Variants in COLGALT2 observed in about 807,000 individuals in gnomAD.
COLGALT2 encodes collagen beta(1-O)galactosyltransferase 2.
In COLGALT2, 49 loss-of-function variants were observed where a neutral mutation model predicts 73.4. That is an observed-to-expected ratio of 0.67 (90% confidence interval 0.53 to 0.85). The LOEUF is 0.85. COLGALT2 is among the 40% of genes least tolerant of loss of function. The pLI, the probability that COLGALT2 is intolerant of heterozygous loss-of-function variation, is 0.00. For missense variants in COLGALT2, 722 were observed against 790.2 expected, an observed-to-expected ratio of 0.91 and a Z score of 1.03; for synonymous variants, 295 against 307.6, an observed-to-expected ratio of 0.96 and a Z score of 0.43.
intron 1 of COLGALT2, among the ~76,000 whole-genome samples, chr1:184,033,989 T>C (rs181140003): frequency 6.6e-6 from 1 of 152,326 alleles, no homozygotes. Flanking sequence ...TGGATACTAA[T>C]CAGTTTGGCA....
intron 11 of COLGALT2, 76 bp from the exon 12 acceptor site, chr1:183,939,113 G>T (rs753901214): frequency 3.7e-5 from 40 of 1,073,868 alleles, no homozygotes; most frequent in Non-Finnish European, 5.2e-5. Context: ...GAGTGAAGGA[G>T]GCCTCCTGGT....
In COLGALT2 at chr1:183,984,266, G is replaced by A. The variant is rs981504912; in HGVS notation, c.264-5746C>T. The stretch of plus-strand genomic sequence containing the variant: ...CTAAAAATACAAAAATTAACCAGGC[G>A]TGGTGGTGTGTGCCTGTAGTCCCAG... On this transcript the variant is annotated intron_variant, in intron 1 of 11. Coordinates refer to ENST00000361927, the MANE Select transcript of COLGALT2 (RefSeq NM_015101.4). 4.6e-5 allele frequency among the ~76,000 whole-genome samples: 7 copies of A among 152,188 alleles called. No individual in the cohort carries two copies. In the South Asian group the frequency reaches 8.3e-4, roughly 18 times the overall value.
intron 8 of COLGALT2, among the ~76,000 whole-genome samples, chr1:183,947,356 A>C (rs1180929896): frequency 6.6e-6 from 1 of 152,216 alleles, no homozygotes; most frequent in African/African-American, 2.4e-5. Context: ...TAAAGACCAT[A>C]TAGGTCATAA....
Position 183,944,337 on chromosome 1 carries a change from C to A in COLGALT2, c.1270-14G>T, listed in dbSNP as rs1166845173. 1 of 1,608,064 alleles carries A rather than the reference C, an allele frequency of 6.2e-7. No individual in the cohort carries two copies. The highest frequency in any genetic ancestry group is 1.7e-5 in the Admixed American group (1 of 58,504). ...TCGATCAATTACCTGCAAAAGTCATCAGTAGGAAGATACCCTATGAAAAGT... is the reference window on the plus strand; with the variant it reads ...TCGATCAATTACCTGCAAAAGTCATAAGTAGGAAGATACCCTATGAAAAGT... On this transcript the variant is annotated splice_polypyrimidine_tract_variant and intron_variant, in intron 9 of 11. Transcript: ENST00000361927.
chr1:183,940,850 G>A lies in COLGALT2; in HGVS notation c.1398-63C>T, dbSNP rs575838897. 7.7e-5 allele frequency: 107 copies of A among 1,397,300 alleles called. 1 individual carries two copies. In the South Asian group the frequency reaches 1.0e-3, roughly 13 times the overall value. The allele number at this position is 1,397,300 out of a possible 1,614,324, so 86.6% of individuals were successfully genotyped here. A position where few individuals can be genotyped will look rare whatever the true frequency, so the allele number is the denominator to read the frequency against. ...ACTATTATGCCATGATAAGGATGAAGCACAGCTTTGGTTTACATAGATACC... is the reference window on the plus strand; with the variant it reads ...ACTATTATGCCATGATAAGGATGAAACACAGCTTTGGTTTACATAGATACC... On this transcript the variant is annotated intron_variant, in intron 10 of 11. Coordinates refer to ENST00000361927, the MANE Select transcript of COLGALT2 (RefSeq NM_015101.4).
chr1:183,989,177 T>C (rs1671566745), intron 1 of COLGALT2, among the ~76,000 whole-genome samples: 1 of 152,154 alleles, frequency 6.6e-6, no homozygotes, highest in Non-Finnish European at 1.5e-5. Context: ...AGTATCTTGG[T>C]TGTACATGAG....
chr1:183,945,874 T>G, intron 8 of COLGALT2: 1 of 305,980 alleles, frequency 3.3e-6, no homozygotes, highest in Admixed American at 4.6e-5. Flanking sequence ...ACTGCAATAA[T>G]CCAAGGAGTG....
intron 6 of COLGALT2, among the ~76,000 whole-genome samples, chr1:183,956,437 A>G (rs972467410): frequency 6.6e-6 from 1 of 152,056 alleles, no homozygotes; most frequent in African/African-American, 2.4e-5. Flanking sequence ...TCCACTCCTT[A>G]TTAGTTTCTT....
At chr1:183,969,089 G>A (rs780786733) in intron 5 of COLGALT2, among the ~76,000 whole-genome samples, 180 bp downstream of exon 5, 1 of 152,034 alleles carries the variant, frequency 6.6e-6, no homozygotes, top group Non-Finnish European at 1.5e-5. Context: ...CTGGCTCTTG[G>A]TCATTGGTGC....
At chr1:183,945,372 G>A (rs756559340) in intron 9 of COLGALT2, 60 bp downstream of exon 9, 70 of 1,584,104 alleles carry the variant, frequency 4.4e-5, no homozygotes, top group African/African-American at 9.4e-5. Flanking sequence ...ACTCACCTAC[G>A]ATAGCCTGCT....
intron 2 of COLGALT2, among the ~76,000 whole-genome samples, chr1:183,976,249 C>CTTTT (rs1671185842): frequency 2.0e-5 from 3 of 151,964 alleles, no homozygotes; most frequent in Non-Finnish European, 4.4e-5. Context: ...ATAAGGCACT[C>CTTTT]TAAAGGAGTG....
At chr1:184,006,161 A>T (rs1672074458) in intron 1 of COLGALT2, among the ~76,000 whole-genome samples, 1 of 152,202 alleles carries the variant, frequency 6.6e-6, no homozygotes, top group South Asian at 2.1e-4. Flanking sequence ...ACATTCTTTC[A>T]TTCCACTCCC....
intron 1 of COLGALT2, among the ~76,000 whole-genome samples, chr1:184,013,395 G>A (rs1305156350): frequency 1.3e-5 from 2 of 152,182 alleles, no homozygotes; most frequent in Non-Finnish European, 2.9e-5. Flanking sequence ...TTCAATACCT[G>A]CAAGAATCTA....
chr1:183,932,062 G>A (rs1184932053), downstream of COLGALT2, among the ~76,000 whole-genome samples: 1 of 152,168 alleles, frequency 6.6e-6, no homozygotes, highest in Non-Finnish European at 1.5e-5. Flanking sequence ...AGGGGAGACA[G>A]ACATGGGTTA....
intron 6 of COLGALT2, among the ~76,000 whole-genome samples, chr1:183,957,118 G>C (rs1670574429): frequency 6.6e-6 from 1 of 151,824 alleles, no homozygotes; most frequent in African/African-American, 2.4e-5. Context: ...TTGTTACAGA[G>C]GTCTTATCAC....
At chr1:183,990,323 C>A (rs897464912) in intron 1 of COLGALT2, among the ~76,000 whole-genome samples, 1 of 152,156 alleles carries the variant, frequency 6.6e-6, no homozygotes, top group African/African-American at 2.4e-5. Context: ...CATCAAACTC[C>A]TAGCCTAATA....
rs1485165450 is a variant in COLGALT2 at position 184,037,485 on chromosome 1, C to G, written c.-128G>C. The stretch of plus-strand genomic sequence containing the variant: ...GGCCGGGGGATGCGGCTTGCCGCGG[C>G]CGGCCGGCTCACACACTGGCCTCGG... On this transcript the variant is annotated 5_prime_UTR_variant, in exon 1 of 12. Transcript: ENST00000361927. The G allele has an allele frequency of 5.9e-6, 7 of 1,180,670 alleles. No individual in the cohort carries two copies. The highest frequency in any genetic ancestry group is 7.3e-6 in the Non-Finnish European group (7 of 956,826). The allele number at this position is 1,180,670 out of a possible 1,614,324, so 73.1% of individuals were successfully genotyped here. A position where few individuals can be genotyped will look rare whatever the true frequency, so the allele number is the denominator to read the frequency against.
At chr1:183,968,878 A>G (rs944221696) in intron 5 of COLGALT2, among the ~76,000 whole-genome samples, 12 of 152,198 alleles carry the variant, frequency 7.9e-5, no homozygotes, top group African/African-American at 2.9e-4. Context: ...GAAGAAATAA[A>G]CTTCCATTTT....
At chr1:183,954,205 T>C (rs1262245133) in intron 7 of COLGALT2, among the ~76,000 whole-genome samples, 1 of 152,214 alleles carries the variant, frequency 6.6e-6, no homozygotes, top group Non-Finnish European at 1.5e-5. Flanking sequence ...AACTTAATAA[T>C]AAATACTACC....
Sources: gnomAD v4.1 joint callset for allele counts (sites outside exome capture counted in the v4.1 genomes callset) on GRCh38, gnomAD v4.1.1 for gene constraint, MANE v1.5 for transcripts, NCBI Gene and HGNC (gene_info 2026-07-23, HGNC 2026-07-21) for gene names.